Variants in PPP1R21 observed in about 807,000 individuals in gnomAD.
The protein encoded by PPP1R21 is protein phosphatase 1 regulatory subunit 21, also known as KLRAQ motif containing 1.
A neutral mutation model predicts 112.8 loss-of-function variants in PPP1R21; 85 were observed. The observed-to-expected ratio is 0.75, with a 90% confidence interval of 0.63 to 0.90. The LOEUF is 0.90. Ranked by LOEUF, PPP1R21 falls within the 40% of genes least tolerant of loss-of-function variation. PPP1R21 has a pLI of 0.00. For missense variants in PPP1R21, 1,199 were observed against 901.5 expected, an observed-to-expected ratio of 1.33 and a Z score of -4.23; for synonymous variants, 381 against 322.3, an observed-to-expected ratio of 1.18 and a Z score of -1.95.
intron 1 of PPP1R21, among the ~76,000 whole-genome samples, chr2:48,447,563 T>C (rs1380416249): frequency 6.6e-6 from 1 of 152,188 alleles, no homozygotes; most frequent in Non-Finnish European, 1.5e-5. Context: ...GTAGTGACCA[T>C]CCGGTAATCT....
Position 48,507,399 on chromosome 2 carries a change from TA to T in PPP1R21, c.2085+16del. Reference sequence around the variant, plus strand: ...TTTTATGCCGAGGTGAGTGTAGATTTAATTAGATTGGTGGTTTTTTTCCTAA... The same window carrying T: ...TTTTATGCCGAGGTGAGTGTAGATTTATTAGATTGGTGGTTTTTTTCCTAA... On this transcript the variant is annotated intron_variant, in intron 19 of 21. Coordinates refer to ENST00000294952, the MANE Select transcript of PPP1R21 (RefSeq NM_001135629.3). 1 of 1,592,342 alleles carries T rather than the reference TA, an allele frequency of 6.3e-7. No individual in the cohort carries two copies. The highest frequency in any genetic ancestry group is 8.5e-7 in the Non-Finnish European group (1 of 1,173,004).
intron 16 of PPP1R21, among the ~76,000 whole-genome samples, chr2:48,497,765 C>T (rs929038327): frequency 6.6e-6 from 1 of 151,830 alleles, no homozygotes; most frequent in Non-Finnish European, 1.5e-5. Context: ...CATTCTCCTG[C>T]CTCAGCCTCC....
At chr2:48,472,109 G>A (rs1304714331) in intron 11 of PPP1R21, among the ~76,000 whole-genome samples, 1 of 151,550 alleles carries the variant, frequency 6.6e-6, no homozygotes, top group East Asian at 1.9e-4. Flanking sequence ...GCGTTGTGGT[G>A]CATCCCTATA....
At chr2:48,456,591 G>A (rs1287862227) in intron 3 of PPP1R21, among the ~76,000 whole-genome samples, 1 of 152,106 alleles carries the variant, frequency 6.6e-6, no homozygotes, top group Non-Finnish European at 1.5e-5. Context: ...AGTGCCTAGG[G>A]CCATATTTCC....
At chr2:48,442,200 C>T (rs1667060355) in intron 1 of PPP1R21, among the ~76,000 whole-genome samples, 1 of 152,168 alleles carries the variant, frequency 6.6e-6, no homozygotes, top group Admixed American at 6.6e-5. Flanking sequence ...TGGAACAAAT[C>T]CATGTGATGA....
chr2:48,443,543 G>C (rs1667120744), intron 1 of PPP1R21, among the ~76,000 whole-genome samples: 1 of 152,216 alleles, frequency 6.6e-6, no homozygotes, highest in African/African-American at 2.4e-5. Context: ...GGGAGGATGT[G>C]CCTGGAGGAG....
chr2:48,485,439 G>A (rs1021158840), intron 13 of PPP1R21, among the ~76,000 whole-genome samples: 1 of 152,152 alleles, frequency 6.6e-6, no homozygotes, highest in East Asian at 1.9e-4. Context: ...CAATTGGTTG[G>A]TTCCTTTTCT....
intron 1 of PPP1R21, among the ~76,000 whole-genome samples, chr2:48,444,598 CT>C (rs1667169453): frequency 6.6e-6 from 1 of 152,174 alleles, no homozygotes; most frequent in Non-Finnish European, 1.5e-5. Context: ...TTCTAATTGT[CT>C]TTTCAATGTT....
At chr2:48,481,215 C>G (rs961518338) in intron 13 of PPP1R21, among the ~76,000 whole-genome samples, 1 of 152,196 alleles carries the variant, frequency 6.6e-6, no homozygotes, top group Non-Finnish European at 1.5e-5. Flanking sequence ...TCTTGAACTC[C>G]TGACATCAGG....
chr2:48,457,696 T>C (rs918163510), intron 3 of PPP1R21, among the ~76,000 whole-genome samples: 2 of 152,188 alleles, frequency 1.3e-5, no homozygotes, highest in African/African-American at 4.8e-5. Context: ...TGGATGCTGT[T>C]ACAGAATTTA....
At chr2:48,492,644 T>C (rs1477306713) in intron 15 of PPP1R21, among the ~76,000 whole-genome samples, 1 of 152,242 alleles carries the variant, frequency 6.6e-6, no homozygotes, top group East Asian at 1.9e-4. Flanking sequence ...TTGTAGGCCA[T>C]GTGGCTTGTG....
In PPP1R21 at chr2:48,515,012, GCA is replaced by G. The variant is rs1426053328; in HGVS notation, c.*270_*271del. The G allele has an allele frequency of 4.9e-6, 2 of 407,790 alleles. No homozygotes were observed. Among genetic ancestry groups the G allele is most frequent in the East Asian group, 8.0e-5 (2 of 25,072 alleles). 25.3% of individuals were successfully genotyped at this position (407,790 alleles called of 1,614,324 possible). On this transcript the variant is annotated 3_prime_UTR_variant, in exon 22 of 22. Transcript: ENST00000294952. Reference sequence around the variant, plus strand: ...GGTTTCCTTATGCTGTTTTTACTGTGCACTTTTTAAAATTAGGTTTTAATTTC... The same window carrying G: ...GGTTTCCTTATGCTGTTTTTACTGTGCTTTTTAAAATTAGGTTTTAATTTC...
intron 2 of PPP1R21, among the ~76,000 whole-genome samples, chr2:48,453,811 T>A (rs778224990): frequency 2.0e-5 from 3 of 152,264 alleles, no homozygotes. Context: ...CTTTGATATG[T>A]CAGAATAGTT....
intron 17 of PPP1R21, among the ~76,000 whole-genome samples, chr2:48,502,271 G>A (rs1335140508): frequency 1.3e-5 from 2 of 152,106 alleles, no homozygotes; most frequent in Non-Finnish European, 2.9e-5. Flanking sequence ...GAAAGGACCT[G>A]ATACCTTTTC....
chr2:48,496,415 G>T (rs1030692110), intron 16 of PPP1R21, among the ~76,000 whole-genome samples: 2 of 151,780 alleles, frequency 1.3e-5, no homozygotes, highest in African/African-American at 2.4e-5. Flanking sequence ...CCTAGAGGGA[G>T]AAATGCTGCT....
intron 1 of PPP1R21, among the ~76,000 whole-genome samples, chr2:48,446,832 C>T (rs1453399880): frequency 1.3e-5 from 2 of 152,118 alleles, no homozygotes; most frequent in Admixed American, 6.5e-5. Flanking sequence ...CTGCAACCTC[C>T]GTCCGTCTCC....
At chr2:48,472,907 C>T (rs1668585827) in intron 11 of PPP1R21, among the ~76,000 whole-genome samples, 1 of 145,232 alleles carries the variant, frequency 6.9e-6, no homozygotes, top group Admixed American at 7.0e-5. Flanking sequence ...GCTGTTACTG[C>T]AGCCTGGGTG....
At chr2:48,481,529 G>T (rs1469180895) in intron 13 of PPP1R21, among the ~76,000 whole-genome samples, 13 of 152,168 alleles carry the variant, frequency 8.5e-5, no homozygotes, top group African/African-American at 2.2e-4. Context: ...CGTAGAACCA[G>T]TTTGAAACCA....
chr2:48,507,540 T>C (rs1670438592), intron 19 of PPP1R21, among the ~76,000 whole-genome samples, 155 bp downstream of exon 19: 1 of 152,120 alleles, frequency 6.6e-6, no homozygotes, highest in African/African-American at 2.4e-5. Flanking sequence ...GCTAATTTTT[T>C]GTATTTTTAG....
Sources: allele counts gnomAD v4.1 joint callset (sites outside exome capture counted in the v4.1 genomes callset), GRCh38; gene constraint gnomAD v4.1.1; transcripts MANE v1.5; gene names NCBI Gene and HGNC (gene_info 2026-07-23, HGNC 2026-07-21).